PCNX2: variants seen among roughly 807,000 people sequenced by gnomAD.
PCNX2 encodes the protein pecanex 2, also known as pecanex-like protein 2.
A neutral mutation model predicts 223.8 loss-of-function variants in PCNX2; 168 were observed. That is an observed-to-expected ratio of 0.75 (90% CI 0.66 to 0.85). PCNX2 has a LOEUF of 0.85. Among genes scored for constraint, PCNX2 ranks in the 40% least tolerant of loss-of-function variants. The probability of loss-of-function intolerance (pLI) is 0.00; values close to 1 mark genes in which losing one functional copy is unlikely to be tolerated. For missense variants in PCNX2, 2,507 were observed against 2,675.5 expected, an observed-to-expected ratio of 0.94 and a Z score of 1.39; for synonymous variants, 1,006 against 1,052.6, an observed-to-expected ratio of 0.96 and a Z score of 0.86.
chr1:233,095,976 C>A, intron 21 of PCNX2, 113 bp from the exon 22 acceptor site: 1 of 691,322 alleles, frequency 1.4e-6, no homozygotes, highest in Non-Finnish European at 2.5e-6. Context: ...TGAAACTACT[C>A]TCTGCCCTCT....
chr1:233,085,327 G>T (rs553841753), intron 23 of PCNX2, among the ~76,000 whole-genome samples: 83 of 93,958 alleles, frequency 8.8e-4, no homozygotes, highest in African/African-American at 3.5e-3. Flanking sequence ...GTGAGACTCC[G>T]TCTCAAAAAA....
At chr1:233,093,769 C>G (rs1370394169) in intron 22 of PCNX2, among the ~76,000 whole-genome samples, 3 of 152,128 alleles carry the variant, frequency 2.0e-5, no homozygotes, top group Non-Finnish European at 4.4e-5. Flanking sequence ...GTGTCACTAA[C>G]AGGGCCAGGC....
chr1:233,258,601 G>T lies in PCNX2; in HGVS notation c.1261C>A (p.Pro421Thr). ...GGAATTGAGATCTGCTCGGCATTTG[G>T]AGAACCGGCCGCCCCTGGGTTAGTG... ...EPTNPGAAGS[P>T]NAEQISIPVI... The change falls in exon 5 of 34, where the codon CCA (proline) becomes ACA (threonine). Residue 421 changes from proline (P) to threonine (T), a missense_variant. Coordinates refer to ENST00000258229, the MANE Select transcript of PCNX2 (RefSeq NM_014801.4). The T allele has an allele frequency of 6.2e-7, 1 of 1,613,942 alleles. No homozygotes were observed. The highest frequency in any genetic ancestry group is 8.5e-7 in the Non-Finnish European group (1 of 1,179,868).
At chr1:233,112,757 T>C (rs1675187280) in intron 21 of PCNX2, 1 of 1,097,066 alleles carries the variant, frequency 9.1e-7, no homozygotes, top group East Asian at 6.0e-5. Context: ...TACTTTGGCA[T>C]GAGAATTAAG....
chr1:233,251,611 G>A (rs1659457159), intron 7 of PCNX2, among the ~76,000 whole-genome samples: 1 of 152,150 alleles, frequency 6.6e-6, no homozygotes, highest in African/African-American at 2.4e-5. Context: ...AAGTGCTAAT[G>A]TTGTTCTTTA....
chr1:233,007,729 G>A (rs755805392), intron 28 of PCNX2, among the ~76,000 whole-genome samples: 54 of 149,750 alleles, frequency 3.6e-4, no homozygotes, highest in Admixed American at 1.6e-3. Context: ...TAGTAGAGAC[G>A]GGGTTTCACC....
At chr1:233,123,343 A>G (rs1204706237) in intron 21 of PCNX2, among the ~76,000 whole-genome samples, 1 of 152,142 alleles carries the variant, frequency 6.6e-6, no homozygotes, top group African/African-American at 2.4e-5. Context: ...GCACTTTGGG[A>G]GGCCGAGGTG....
intron 10 of PCNX2, 21 bp from the exon 11 acceptor site, chr1:233,218,205 AAAGC>A: frequency 1.8e-6 from 2 of 1,096,168 alleles, no homozygotes; most frequent in Non-Finnish European, 2.5e-6. Flanking sequence ...TATATACATA[AAAGC>A]AAAAAAAAAA....
chr1:233,123,263 T>C (rs1675908671), intron 21 of PCNX2, among the ~76,000 whole-genome samples: 1 of 152,168 alleles, frequency 6.6e-6, no homozygotes. Context: ...TCTGTAAATC[T>C]AGAATTATTC....
At chr1:233,278,529 G>A (rs1045081310) in intron 1 of PCNX2, among the ~76,000 whole-genome samples, 1 of 152,208 alleles carries the variant, frequency 6.6e-6, no homozygotes, top group African/African-American at 2.4e-5. Flanking sequence ...ATGGGTCAGA[G>A]GGAGGAAATG....
intron 28 of PCNX2, among the ~76,000 whole-genome samples, chr1:233,009,014 G>A (rs1670375540): frequency 6.6e-6 from 1 of 152,230 alleles, no homozygotes; most frequent in Non-Finnish European, 1.5e-5. Context: ...ACTGCTGGGA[G>A]ATGTTGTGGA....
At position 232,986,341 on chromosome 1, in the gene PCNX2, C is replaced by G. The variant is rs1397244640; in HGVS notation, c.5991G>C (p.Gln1997His). Reference sequence around the variant, plus strand: ...GGCCGGTGGTGGTGACGGGCGGGGGCTGAGAGTGCAGGGACGTGGCCGAGG... The same window carrying G: ...GGCCGGTGGTGGTGACGGGCGGGGGGTGAGAGTGCAGGGACGTGGCCGAGG... ...LHASATSLHS[Q>H]PPPVTTTGHL... The change falls in exon 33 of 34, where the codon CAG becomes CAC. Residue 1997 changes from glutamine to histidine, a missense_variant. Physicochemically the swap from Gln to His is conservative, Grantham distance 24. Transcript: ENST00000258229. 1.9e-6 allele frequency: 3 copies of G among 1,597,754 alleles called. No individual in the cohort carries two copies. The highest frequency in any genetic ancestry group is 1.7e-6 in the Non-Finnish European group (2 of 1,172,858).
chr1:233,054,238 C>A, intron 25 of PCNX2, 30 bp downstream of exon 25: 1 of 1,594,534 alleles, frequency 6.3e-7, no homozygotes, highest in South Asian at 1.1e-5. Context: ...AACCAACTTT[C>A]AACAGTTTCT....
chr1:233,169,488 T>C (rs1015928444), intron 17 of PCNX2, among the ~76,000 whole-genome samples: 2 of 151,190 alleles, frequency 1.3e-5, no homozygotes, highest in African/African-American at 4.9e-5. Flanking sequence ...CTACTAAAAA[T>C]GCAAAAATTA....
chr1:233,170,813 CTGTT>C (rs1679104986), intron 17 of PCNX2, among the ~76,000 whole-genome samples: 1 of 152,166 alleles, frequency 6.6e-6, no homozygotes, highest in African/African-American at 2.4e-5. Flanking sequence ...GTTTTTCCCT[CTGTT>C]TGGATTTGGA....
Position 233,135,059 on chromosome 1 carries a change from T to C in PCNX2, c.3791A>G (p.Glu1264Gly), listed in dbSNP as rs1676726771. The C allele has an allele frequency of 6.2e-7, 1 of 1,612,158 alleles. No individual in the cohort carries two copies. The highest frequency in any genetic ancestry group is 1.3e-5 in the African/African-American group (1 of 74,870). The change falls in exon 21 of 34, where the codon GAG becomes GGG. Residue 1264 changes from glutamate to glycine, a missense_variant. Physicochemically the swap from Glu to Gly is moderately conservative, Grantham distance 98. Transcript: ENST00000258229. ...CATGAAGAAATCCAGTAAGAAGCTC[T>C]CTGAAATATCTTTGTAGTCAAAGTG... ...FFHFDYKDISESFLLDFFMVS... is the reference protein window; with the variant it reads ...FFHFDYKDISGSFLLDFFMVS...
At chr1:233,108,642 A>T (rs1216304329) in intron 21 of PCNX2, among the ~76,000 whole-genome samples, 2 of 152,234 alleles carry the variant, frequency 1.3e-5, no homozygotes, top group Admixed American at 1.3e-4. Context: ...CCAACTCTCC[A>T]ATGGAACAAA....
At chr1:233,182,605 C>CT (rs1679867704) in intron 15 of PCNX2, among the ~76,000 whole-genome samples, 1 of 152,186 alleles carries the variant, frequency 6.6e-6, no homozygotes, top group South Asian at 2.1e-4. Flanking sequence ...ATAAGCCCAC[C>CT]TTTTCAGCAT....
At chr1:233,074,581 C>T (rs1237821585) in intron 23 of PCNX2, among the ~76,000 whole-genome samples, 6 of 108,012 alleles carry the variant, frequency 5.6e-5, no homozygotes, top group African/African-American at 7.5e-5. Context: ...GGCGACAGAG[C>T]GAGACTCCGT....
Sources: gnomAD v4.1 joint callset for allele counts (sites outside exome capture counted in the v4.1 genomes callset) on GRCh38, gnomAD v4.1.1 for gene constraint, MANE v1.5 for transcripts, NCBI Gene and HGNC (gene_info 2026-07-23, HGNC 2026-07-21) for gene names.